UBR3: variants seen among roughly 807,000 people sequenced by gnomAD.
UBR3 encodes the protein E3 ubiquitin-protein ligase UBR3.
A neutral mutation model predicts 243.2 loss-of-function variants in UBR3; 85 were observed. The observed-to-expected ratio is 0.35, with a 90% confidence interval of 0.29 to 0.42. UBR3 has a LOEUF of 0.42. UBR3 is among the 10% of genes least tolerant of loss of function. The pLI, the probability that UBR3 is intolerant of heterozygous loss-of-function variation, is 1.00. For synonymous variants in UBR3, 748 were observed against 799.8 expected (o/e 0.94, Z 1.09); for missense variants, 1,686 against 2,300.8 (o/e 0.73, Z 5.47).
Position 170,007,102 on chromosome 2 carries a change from A to C in UBR3, c.4142A>C (p.Asn1381Thr). The C allele has an allele frequency of 6.2e-7, 1 of 1,613,802 alleles. No homozygotes were observed. Among genetic ancestry groups the C allele is most frequent in the East Asian group, 2.2e-5 (1 of 44,846 alleles). The change falls in exon 28 of 39, where the codon AAT becomes ACT. Residue 1381 changes from asparagine to threonine, a missense_variant. Physicochemically the swap from Asn to Thr is moderately conservative, Grantham distance 65. This residue lies in a region of UBR3 where 371 missense variants were observed against 422.5 expected (regional missense o/e 0.88). Transcript: ENST00000272793. ...LPCYPGSNVE[N>T]NPWQRPSNKS... ...TGTTATCCTGGAAGCAATGTGGAAAATAACCCTTGGCAACGTCCTAGCAAC... is the reference window on the plus strand; with the variant it reads ...TGTTATCCTGGAAGCAATGTGGAAACTAACCCTTGGCAACGTCCTAGCAAC...
chr2:169,899,913 G>A (rs923755003), intron 8 of UBR3, among the ~76,000 whole-genome samples: 1 of 139,198 alleles, frequency 7.2e-6, no homozygotes, highest in Non-Finnish European at 1.6e-5. Flanking sequence ...ATGGTCATTT[G>A]GGTTGGTTCC....
chr2:169,905,807 A>G (rs538209850), intron 9 of UBR3, among the ~76,000 whole-genome samples: 1 of 152,374 alleles, frequency 6.6e-6, no homozygotes, highest in African/African-American at 2.4e-5. Context: ...TCAGTTTATT[A>G]CATGAGATAA....
At chr2:169,943,523 C>G (rs896267504) in intron 20 of UBR3, among the ~76,000 whole-genome samples, 7 of 152,100 alleles carry the variant, frequency 4.6e-5, no homozygotes, top group African/African-American at 1.4e-4. Context: ...ATTGCTTGAA[C>G]CCGGGAGGTG....
chr2:169,913,958 T>G (rs930399035), intron 10 of UBR3, 102 bp from the exon 11 acceptor site: 1 of 450,990 alleles, frequency 2.2e-6, no homozygotes, highest in Non-Finnish European at 3.5e-6. Flanking sequence ...CTATACATTT[T>G]ACCATTTTAT....
chr2:169,988,535 T>A (rs531653792), intron 25 of UBR3, among the ~76,000 whole-genome samples: 1 of 152,154 alleles, frequency 6.6e-6, no homozygotes, highest in Admixed American at 6.5e-5. Flanking sequence ...CAGGACACAG[T>A]GGTTCACGCC....
chr2:170,029,435 G>T lies in UBR3; in HGVS notation c.4543G>T (p.Glu1515Ter). The change falls in exon 31 of 39, where the codon GAG (glutamate) becomes TAG (stop). Residue 1515 changes from glutamate to a stop codon, truncating the protein, a stop_gained. Transcript: ENST00000272793. LOFTEE classifies it high-confidence loss of function. Reference sequence around the variant, plus strand: ...CTGGAGAAAGCTCACCCAGTTAGAAGAGATGAATCCACAGTAAGTATAATT... The same window carrying T: ...CTGGAGAAAGCTCACCCAGTTAGAATAGATGAATCCACAGTAAGTATAATT... ...NPWRKLTQLE[E>*]MNPQLGYEEQ... 2 of 1,609,586 alleles carry T rather than the reference G, an allele frequency of 1.2e-6. No homozygotes were observed.
chr2:170,062,680 C>T (rs1048670814), intron 35 of UBR3, among the ~76,000 whole-genome samples: 1 of 152,142 alleles, frequency 6.6e-6, no homozygotes. Context: ...GTACTTTTTT[C>T]ACATTTAAAG....
intron 11 of UBR3, among the ~76,000 whole-genome samples, chr2:169,919,661 A>G (rs567057722): frequency 6.6e-6 from 1 of 152,342 alleles, no homozygotes; most frequent in African/African-American, 2.4e-5. Flanking sequence ...ATATGAACAG[A>G]CACTTCTCAA....
intron 30 of UBR3, among the ~76,000 whole-genome samples, chr2:170,025,346 G>A (rs144742934): frequency 3.9e-5 from 6 of 152,234 alleles, no homozygotes; most frequent in Admixed American, 3.9e-4. Flanking sequence ...TCTTTCTGAG[G>A]TATCAGAGAG....
In UBR3 at chr2:170,065,542, C is replaced by T. The variant is rs113662746; in HGVS notation, c.5019+4099C>T. ...TCCTGGCCTCAAGTGATCCACCCCCCTCAGCTCCCAAAGTGCTTGGATTAC... is the reference window on the plus strand; with the variant it reads ...TCCTGGCCTCAAGTGATCCACCCCCTTCAGCTCCCAAAGTGCTTGGATTAC... On this transcript the variant is annotated intron_variant, in intron 35 of 38. Transcript: ENST00000272793. Among the ~76,000 whole-genome samples, 703 of 152,276 alleles carry T rather than the reference C, an allele frequency of 4.6e-3. 1 individual carries two copies. The highest frequency in any genetic ancestry group is 0.015 in the African/African-American group (636 of 41,558).
At chr2:169,895,444 G>C (rs1160578652) in intron 7 of UBR3, 133 bp downstream of exon 7, 5 of 1,006,434 alleles carry the variant, frequency 5.0e-6, no homozygotes, top group Non-Finnish European at 7.0e-6. Flanking sequence ...TTCTTCTCTT[G>C]ATAACACAAG....
At chr2:169,909,522 T>A (rs2105336014) in intron 10 of UBR3, among the ~76,000 whole-genome samples, 1 of 152,142 alleles carries the variant, frequency 6.6e-6, no homozygotes. Context: ...AATGGGGAGA[T>A]TTTGACTAAA....
chr2:169,920,570 C>T (rs552188524), intron 11 of UBR3, among the ~76,000 whole-genome samples: 1 of 152,240 alleles, frequency 6.6e-6, no homozygotes, highest in South Asian at 2.1e-4. Context: ...GAACTCCTGT[C>T]GCCTGCCTTT....
At chr2:169,861,078 C>T (rs780635801) in intron 1 of UBR3, among the ~76,000 whole-genome samples, 3 of 152,206 alleles carry the variant, frequency 2.0e-5, no homozygotes, top group Non-Finnish European at 4.4e-5. Flanking sequence ...CTTACATCTT[C>T]TCCTGCCTGC....
At chr2:170,009,610 G>C (rs756805910) in intron 29 of UBR3, among the ~76,000 whole-genome samples, 3 of 152,020 alleles carry the variant, frequency 2.0e-5, no homozygotes, top group Non-Finnish European at 4.4e-5. Context: ...AGTAAATAGA[G>C]GAAAAACAGA....
intron 1 of UBR3, among the ~76,000 whole-genome samples, chr2:169,840,695 G>A (rs1006064673): frequency 6.6e-6 from 1 of 152,168 alleles, no homozygotes; most frequent in Non-Finnish European, 1.5e-5. Flanking sequence ...CCTGCCCTGT[G>A]ACAGTTCTCT....
At position 169,967,844 on chromosome 2, in the gene UBR3, G is replaced by C. The variant is rs191758326; in HGVS notation, c.3634+9318G>C. Among the ~76,000 whole-genome samples, 305 of 151,804 alleles carry C rather than the reference G, an allele frequency of 2.0e-3. 3 individuals are homozygous for C. The highest frequency in any genetic ancestry group is 7.1e-3 in the African/African-American group (293 of 41,448). ...TGTGCTACCATTTATATAAGAAGTAGGGCTGGAGATATGAATATATCTTCT... is the reference window on the plus strand; with the variant it reads ...TGTGCTACCATTTATATAAGAAGTACGGCTGGAGATATGAATATATCTTCT... On this transcript the variant is annotated intron_variant, in intron 24 of 38. Coordinates refer to ENST00000272793, the MANE Select transcript of UBR3 (RefSeq NM_172070.4).
chr2:169,958,388 T>C, intron 23 of UBR3, 50 bp from the exon 24 acceptor site: 1 of 1,526,118 alleles, frequency 6.6e-7, no homozygotes, highest in Non-Finnish European at 9.0e-7. Context: ...ATATAGTAGC[T>C]AGGTCTTAAG....
chr2:169,965,433 A>T (rs2087761411), intron 24 of UBR3, among the ~76,000 whole-genome samples: 1 of 152,206 alleles, frequency 6.6e-6, no homozygotes, highest in Non-Finnish European at 1.5e-5. Context: ...GCTGAAACTA[A>T]CCATGGGTAG....
Sources: allele counts gnomAD v4.1 joint callset (sites outside exome capture counted in the v4.1 genomes callset), GRCh38; gene constraint gnomAD v4.1.1; regional missense constraint gnomAD v4.1.1; transcripts MANE v1.5; gene names NCBI Gene and HGNC (gene_info 2026-07-23, HGNC 2026-07-21).